Variants in RALGAPA2 observed in about 807,000 individuals in gnomAD.
RALGAPA2 encodes ral GTPase-activating protein subunit alpha-2.
RALGAPA2 carries 139 observed loss-of-function variants against 230.4 expected under a neutral mutation model. That is an observed-to-expected ratio of 0.60 (90% CI 0.53 to 0.69). The LOEUF (loss-of-function observed/expected upper bound fraction) is 0.69, where lower values mean the gene tolerates loss of function less well. Among genes scored for constraint, RALGAPA2 ranks in the 30% least tolerant of loss-of-function variants. RALGAPA2 has a pLI of 0.00. For synonymous variants in RALGAPA2, 847 were observed against 837.8 expected (o/e 1.01, Z -0.19); for missense variants, 2,163 against 2,276.0 (o/e 0.95, Z 1.01).
intron 12 of RALGAPA2, among the ~76,000 whole-genome samples, chr20:20,618,373 T>C (rs2066215810): frequency 6.6e-6 from 1 of 152,178 alleles, no homozygotes; most frequent in South Asian, 2.1e-4. Context: ...GATGCACATG[T>C]GAAATCATCT....
At chr20:20,412,413 TA>T (rs1447322326) in intron 37 of RALGAPA2, among the ~76,000 whole-genome samples, 1 of 152,212 alleles carries the variant, frequency 6.6e-6, no homozygotes, top group Non-Finnish European at 1.5e-5. Context: ...AATAACATCA[TA>T]AGATCATTAG....
At chr20:20,521,319 A>G (rs2063034996) in intron 30 of RALGAPA2, among the ~76,000 whole-genome samples, 1 of 152,184 alleles carries the variant, frequency 6.6e-6, no homozygotes, top group Admixed American at 6.5e-5. Flanking sequence ...GGAAAGTAAA[A>G]GTTAAAAAGT....
intron 16 of RALGAPA2, among the ~76,000 whole-genome samples, chr20:20,591,699 C>A (rs2146105571): frequency 6.6e-6 from 1 of 152,218 alleles, no homozygotes; most frequent in Admixed American, 6.5e-5. Flanking sequence ...CACACACACA[C>A]ACACACACAT....
intron 37 of RALGAPA2, among the ~76,000 whole-genome samples, chr20:20,458,736 CTA>C (rs1164364863): frequency 8.4e-4 from 13 of 15,414 alleles, no homozygotes; most frequent in South Asian, 3.9e-3. Flanking sequence ...ATACACACAC[CTA>C]TATATATATA....
chr20:20,402,828 T>G (rs896808744), intron 38 of RALGAPA2, among the ~76,000 whole-genome samples: 1 of 152,136 alleles, frequency 6.6e-6, no homozygotes, highest in Non-Finnish European at 1.5e-5. Context: ...GCTTCACATC[T>G]TTGTGTGCTG....
intron 23 of RALGAPA2, among the ~76,000 whole-genome samples, chr20:20,569,868 A>T (rs2064567767): frequency 6.6e-6 from 1 of 151,886 alleles, no homozygotes; most frequent in Non-Finnish European, 1.5e-5. Context: ...TTCCAAGTAA[A>T]TTTTTTTTCC....
chr20:20,698,400 GT>G (rs2069204740), intron 1 of RALGAPA2, among the ~76,000 whole-genome samples: 1 of 150,566 alleles, frequency 6.6e-6, no homozygotes, highest in African/African-American at 2.4e-5. Flanking sequence ...TCTTTGTTTT[GT>G]TTTGTTTGAG....
intron 9 of RALGAPA2, among the ~76,000 whole-genome samples, chr20:20,632,088 G>A (rs1477330567): frequency 6.6e-6 from 1 of 150,732 alleles, no homozygotes; most frequent in Non-Finnish European, 1.5e-5. Flanking sequence ...GCAGTGGCTC[G>A]ATCTCCGCTC....
At chr20:20,613,616 C>T (rs2066040786) in intron 13 of RALGAPA2, among the ~76,000 whole-genome samples, 2 of 152,208 alleles carry the variant, frequency 1.3e-5, no homozygotes, top group African/African-American at 4.8e-5. Context: ...CCCCTGCCTC[C>T]TCCCCTCTCA....
chr20:20,567,804 T>G (rs938874006), intron 23 of RALGAPA2, among the ~76,000 whole-genome samples: 2 of 149,356 alleles, frequency 1.3e-5, no homozygotes, highest in African/African-American at 5.0e-5. Flanking sequence ...ATTGTGTCAC[T>G]GCGCTCCAGC....
At chr20:20,658,728 C>A (rs2067672961) in intron 3 of RALGAPA2, among the ~76,000 whole-genome samples, 1 of 152,204 alleles carries the variant, frequency 6.6e-6, no homozygotes, top group African/African-American at 2.4e-5. Context: ...TCAGAACCTA[C>A]TGCATGACCA....
chr20:20,397,783 A>G (rs73901534), intron 38 of RALGAPA2, among the ~76,000 whole-genome samples: 4,412 of 152,294 alleles, frequency 0.029, 200 homozygotes, highest in African/African-American at 0.1. Context: ...AGAAACGTGC[A>G]CTGCTATGGA....
intron 30 of RALGAPA2, among the ~76,000 whole-genome samples, chr20:20,522,842 T>C (rs1185235964): frequency 6.6e-6 from 1 of 152,182 alleles, no homozygotes; most frequent in Non-Finnish European, 1.5e-5. Context: ...AAGAAAGAAC[T>C]CAGAAAAGAG....
chr20:20,579,989 T>C (rs2064939784), intron 20 of RALGAPA2, among the ~76,000 whole-genome samples: 1 of 152,226 alleles, frequency 6.6e-6, no homozygotes, highest in South Asian at 2.1e-4. Context: ...TTTGTGACTA[T>C]TAGGATAAAT....
intron 1 of RALGAPA2, among the ~76,000 whole-genome samples, chr20:20,700,263 A>G (rs1357320315): frequency 3.3e-5 from 5 of 152,074 alleles, no homozygotes; most frequent in Admixed American, 3.3e-4. Flanking sequence ...CACCAAGCAC[A>G]AGGGGACATG....
intron 1 of RALGAPA2, among the ~76,000 whole-genome samples, chr20:20,699,157 C>T (rs1279173233): frequency 6.6e-6 from 1 of 152,104 alleles, no homozygotes; most frequent in African/African-American, 2.4e-5. Flanking sequence ...ATGTATGTAA[C>T]TATTTCTCCT....
chr20:20,633,061 TTTTCTC>T (rs1014759448), intron 9 of RALGAPA2, among the ~76,000 whole-genome samples: 9 of 151,870 alleles, frequency 5.9e-5, no homozygotes, highest in South Asian at 2.1e-4. Context: ...CCTTTCTTTC[TTTTCTC>T]TTTCTCTTTC....
intron 6 of RALGAPA2, 120 bp downstream of exon 6, chr20:20,640,581 G>A: frequency 3.1e-6 from 3 of 953,976 alleles, no homozygotes; most frequent in Admixed American, 2.7e-5. Context: ...GAATATGAAA[G>A]GGGAATAATT....
intron 37 of RALGAPA2, among the ~76,000 whole-genome samples, chr20:20,429,168 AG>A (rs1411472811): frequency 6.6e-6 from 1 of 152,212 alleles, no homozygotes; most frequent in African/African-American, 2.4e-5. Context: ...AGGCAACAAA[AG>A]TGATGCTCTG....
Sources: gnomAD v4.1 joint callset for allele counts (sites outside exome capture counted in the v4.1 genomes callset) on GRCh38, gnomAD v4.1.1 for gene constraint, MANE v1.5 for transcripts, NCBI Gene and HGNC (gene_info 2026-07-23, HGNC 2026-07-21) for gene names.